Variants in LGALS13 observed in about 807,000 individuals in gnomAD.
The protein encoded by LGALS13 is galectin 13.
A neutral mutation model predicts 13.2 loss-of-function variants in LGALS13; 11 were observed. The observed-to-expected ratio is 0.83, with a 90% confidence interval of 0.52 to 1.38. The LOEUF is 1.38. Ranked by LOEUF, LGALS13 falls within the 40% of genes most tolerant of loss-of-function variation. The pLI is 0.00. For synonymous variants in LGALS13, 71 were observed against 63.7 expected, an observed-to-expected ratio of 1.11 and a Z score of -0.54; for missense variants, 183 against 174.3, an observed-to-expected ratio of 1.05 and a Z score of -0.28.
chr19:39,604,486 G>A, intron 1 of LGALS13, 116 bp from the exon 2 acceptor site: 2 of 1,128,074 alleles, frequency 1.8e-6, no homozygotes, highest in Non-Finnish European at 2.7e-6. Flanking sequence ...GGTTAAAGAG[G>A]AGAGTCCACA....
At chr19:39,606,807 A>G (rs536543793) in intron 3 of LGALS13, among the ~76,000 whole-genome samples, 1 of 152,356 alleles carries the variant, frequency 6.6e-6, no homozygotes, top group East Asian at 1.9e-4. Context: ...AAACTGTGCC[A>G]TCAGTAGTGA....
rs762995690 is a variant in LGALS13, at chr19:39,604,646, G to A, written c.60G>A (p.Val20=). Reference sequence around the variant, plus strand: ...TGTCTTTGTCTGTTGGTTCCTGCGTGATAATCAAAGGGACACCAATCCACT... The same window carrying A: ...TGTCTTTGTCTGTTGGTTCCTGCGTAATAATCAAAGGGACACCAATCCACT... ...LPVSLSVGSC[V]IIKGTPIHSF... Residue 20 remains valine (V), a synonymous_variant, in exon 2 of 4, where the codon GTG becomes GTA. Transcript: ENST00000221797. 1 of 1,614,214 alleles carries A rather than the reference G, an allele frequency of 6.2e-7. No homozygotes were observed. The highest frequency in any genetic ancestry group is 8.5e-7 in the Non-Finnish European group (1 of 1,180,056).
intron 3 of LGALS13, 101 bp downstream of exon 3, chr19:39,605,489 C>A (rs1972674423): frequency 2.3e-6 from 2 of 887,258 alleles, no homozygotes; most frequent in Admixed American, 2.0e-5. Flanking sequence ...GGGTCCATCT[C>A]CCATAACTAC....
intron 3 of LGALS13, among the ~76,000 whole-genome samples, 160 bp from the exon 4 acceptor site, chr19:39,607,063 G>A (rs906960945): frequency 2.6e-5 from 4 of 152,140 alleles, no homozygotes; most frequent in Non-Finnish European, 5.9e-5. Context: ...TCTCAAATAG[G>A]CACAAAACGT....
At chr19:39,606,232 C>G (rs1876279969) in intron 3 of LGALS13, among the ~76,000 whole-genome samples, 1 of 152,178 alleles carries the variant, frequency 6.6e-6, no homozygotes, top group African/African-American at 2.4e-5. Flanking sequence ...ATAAGTTGCT[C>G]TACACATTAC....
intron 1 of LGALS13, among the ~76,000 whole-genome samples, chr19:39,604,271 C>T (rs150649742): frequency 4.6e-5 from 7 of 152,230 alleles, no homozygotes; most frequent in South Asian, 2.1e-4. Context: ...CTCCCTATTA[C>T]GGAGAACATC....
At chr19:39,602,734 G>T in intron 1 of LGALS13, 151 bp downstream of exon 1, 1 of 812,882 alleles carries the variant, frequency 1.2e-6, no homozygotes, top group Non-Finnish European at 2.1e-6. Flanking sequence ...TGAGGCTATG[G>T]TATCTGAGAT....
intron 2 of LGALS13, 78 bp from the exon 3 acceptor site, chr19:39,605,100 A>G: frequency 8.3e-7 from 1 of 1,207,654 alleles, no homozygotes. Context: ...TAAATGGGGG[A>G]AGGGATTTGT....
chr19:39,602,624 A>G (rs1972619282), intron 1 of LGALS13, 41 bp downstream of exon 1: 2 of 1,603,332 alleles, frequency 1.2e-6, no homozygotes, highest in African/African-American at 1.3e-5. Context: ...TTCGTGTCAC[A>G]CAAACCAAGA....
intron 3 of LGALS13, among the ~76,000 whole-genome samples, chr19:39,606,704 C>G (rs1248828221): frequency 6.6e-6 from 1 of 152,164 alleles, no homozygotes; most frequent in Non-Finnish European, 1.5e-5. Flanking sequence ...AGGTAATATC[C>G]TGTTTCACAA....
chr19:39,605,085 C>T, intron 2 of LGALS13, 93 bp from the exon 3 acceptor site: 1 of 1,087,788 alleles, frequency 9.2e-7, no homozygotes, highest in Non-Finnish European at 1.4e-6. Flanking sequence ...GACTTTTTCC[C>T]TAGGTAAATG....
At chr19:39,606,548 T>G (rs1972691897) in intron 3 of LGALS13, among the ~76,000 whole-genome samples, 1 of 152,092 alleles carries the variant, frequency 6.6e-6, no homozygotes, top group African/African-American at 2.4e-5. Flanking sequence ...ATTCGAAAAA[T>G]TAATACTAAT....
At chr19:39,606,125 G>C (rs1018828530) in intron 3 of LGALS13, among the ~76,000 whole-genome samples, 1 of 152,150 alleles carries the variant, frequency 6.6e-6, no homozygotes, top group African/African-American at 2.4e-5. Flanking sequence ...GGGATTACAG[G>C]CTTAAGCCAC....
In LGALS13 at chr19:39,607,403, G is replaced by A. The variant is rs938418015; in HGVS notation, c.*64G>A. The A allele has an allele frequency of 1.1e-5, 12 of 1,056,584 alleles. No homozygotes were observed. The Admixed American group carries it at 2.0e-4, about 18-fold the overall frequency. The allele number at this position is 1,056,584 out of a possible 1,614,324, so 65.5% of individuals were successfully genotyped here. A position where few individuals can be genotyped will look rare whatever the true frequency, so the allele number is the denominator to read the frequency against. On this transcript the variant is annotated 3_prime_UTR_variant, in exon 4 of 4. Transcript: ENST00000221797. Reference sequence around the variant, plus strand: ...TTTCTACCTGACCATGGGATTCCCAGAACCTGCTAACAGAATAATCCCTGC... The same window carrying A: ...TTTCTACCTGACCATGGGATTCCCAAAACCTGCTAACAGAATAATCCCTGC...
At chr19:39,604,471 G>T in intron 1 of LGALS13, 131 bp from the exon 2 acceptor site, 1 of 992,360 alleles carries the variant, frequency 1.0e-6, no homozygotes, top group South Asian at 1.3e-5. Context: ...CCCTGAATGC[G>T]GTAGGGTTAA....
chr19:39,607,028 A>G (rs574734050), intron 3 of LGALS13, among the ~76,000 whole-genome samples, 195 bp from the exon 4 acceptor site: 1 of 152,310 alleles, frequency 6.6e-6, no homozygotes, highest in African/African-American at 2.4e-5. Context: ...ATGAGTGGAA[A>G]CATTAGAAAT....
At chr19:39,606,871 A>G (rs537017137) in intron 3 of LGALS13, among the ~76,000 whole-genome samples, 1 of 152,230 alleles carries the variant, frequency 6.6e-6, no homozygotes. Context: ...AACATGGTCT[A>G]GCACTAACCC....
intron 1 of LGALS13, 140 bp from the exon 2 acceptor site, chr19:39,604,462 C>A (rs1422312022): frequency 2.2e-6 from 2 of 919,160 alleles, no homozygotes; most frequent in Admixed American, 1.9e-5. Context: ...AATATGGGGC[C>A]CTGAATGCGG....
In LGALS13 at chr19:39,607,263, G is replaced by C; in HGVS notation, c.344G>C (p.Arg115Pro). The C allele has an allele frequency of 6.2e-7, 1 of 1,614,000 alleles. No individual in the cohort carries two copies. Among genetic ancestry groups the C allele is most frequent in the East Asian group, 2.2e-5 (1 of 44,864 alleles). The change falls in exon 4 of 4, where the codon CGA becomes CCA. Residue 115 changes from arginine to proline, a missense_variant. Physicochemically the swap from Arg to Pro is moderately radical, Grantham distance 103. Coordinates refer to ENST00000221797, the MANE Select transcript of LGALS13 (RefSeq NM_013268.3). ...NGIRIYGFVH[R>P]IPPSFVKMVQ... is the part of the protein sequence containing the mutation. ...ATACGCATTTACGGCTTTGTCCATC[G>C]AATCCCGCCATCATTTGTGAAGATG...
Sources: allele counts gnomAD v4.1 joint callset (sites outside exome capture counted in the v4.1 genomes callset), GRCh38; gene constraint gnomAD v4.1.1; transcripts MANE v1.5; gene names NCBI Gene and HGNC (gene_info 2026-07-23, HGNC 2026-07-21).